Variants in NKAIN2 observed in about 807,000 individuals in gnomAD.
The protein encoded by NKAIN2 is sodium/potassium-transporting ATPase subunit beta-1-interacting protein 2.
In NKAIN2, 14 loss-of-function variants were observed where a neutral mutation model predicts 32.6. The observed-to-expected ratio is 0.43, with a 90% confidence interval of 0.28 to 0.67. The LOEUF (loss-of-function observed/expected upper bound fraction) is 0.67. Ranked by LOEUF, NKAIN2 falls within the 30% of genes least tolerant of loss-of-function variation. NKAIN2 has a pLI of 0.17. For synonymous variants in NKAIN2, 80 were observed against 87.2 expected, an observed-to-expected ratio of 0.92 and a Z score of 0.46; for missense variants, 198 against 258.3, an observed-to-expected ratio of 0.77 and a Z score of 1.60.
At chr6:124,596,694 GTGTGTGTA>G (rs1782105551) in intron 3 of NKAIN2, among the ~76,000 whole-genome samples, 3 of 150,658 alleles carry the variant, frequency 2.0e-5, no homozygotes, top group Admixed American at 6.6e-5. Context: ...GTGTGTGTGT[GTGTGTGTA>G]AGTGTGTGTA....
intron 3 of NKAIN2, among the ~76,000 whole-genome samples, chr6:124,398,250 CTCAAAAAAA>C (rs1773476443): frequency 3.1e-5 from 1 of 32,654 alleles, no homozygotes; most frequent in African/African-American, 1.8e-4. Flanking sequence ...GAGACTGCAT[CTCAAAAAAA>C]AAAAAAAAAA....
intron 1 of NKAIN2, among the ~76,000 whole-genome samples, chr6:123,914,122 G>C (rs1359756049): frequency 6.6e-6 from 1 of 152,112 alleles, no homozygotes; most frequent in African/African-American, 2.4e-5. Context: ...AGATGAGAGT[G>C]TTACATGGTT....
chr6:124,476,339 G>C (rs1298525709), intron 3 of NKAIN2, among the ~76,000 whole-genome samples: 3 of 146,560 alleles, frequency 2.0e-5, no homozygotes, highest in Non-Finnish European at 4.5e-5. Context: ...TACCTCTTAA[G>C]GAGGTTTTAA....
At chr6:124,477,875 T>C (rs1777294247) in intron 3 of NKAIN2, among the ~76,000 whole-genome samples, 1 of 149,248 alleles carries the variant, frequency 6.7e-6, no homozygotes, top group South Asian at 2.2e-4. Context: ...TCTCAATGTT[T>C]GGGAAAGAAT....
chr6:124,008,413 C>T (rs1378648616), intron 1 of NKAIN2, among the ~76,000 whole-genome samples: 2 of 152,086 alleles, frequency 1.3e-5, no homozygotes, highest in African/African-American at 4.8e-5. Flanking sequence ...ATATTATGTA[C>T]AACTCATTAG....
chr6:124,298,761 C>A (rs891357528), intron 2 of NKAIN2, among the ~76,000 whole-genome samples: 4 of 113,916 alleles, frequency 3.5e-5, no homozygotes, highest in African/African-American at 1.5e-4. Context: ...AGAGAAGACC[C>A]CCCGTGTCTA....
At chr6:124,587,298 C>CCTG (rs1781745983) in intron 3 of NKAIN2, among the ~76,000 whole-genome samples, 1 of 151,752 alleles carries the variant, frequency 6.6e-6, no homozygotes, top group Non-Finnish European at 1.5e-5. Flanking sequence ...GGTGCTATCT[C>CCTG]GGCTCAATGC....
intron 2 of NKAIN2, among the ~76,000 whole-genome samples, chr6:124,346,943 A>C (rs905016158): frequency 2.0e-5 from 3 of 152,066 alleles, no homozygotes; most frequent in African/African-American, 7.2e-5. Flanking sequence ...TGGTCTTTAC[A>C]TTTTGGCATG....
chr6:124,670,671 G>GTGTA (rs916354697), intron 4 of NKAIN2, among the ~76,000 whole-genome samples: 1 of 151,734 alleles, frequency 6.6e-6, no homozygotes, highest in African/African-American at 2.4e-5. Flanking sequence ...GTGTGTGTGT[G>GTGTA]TGTGTGTGTT....
chr6:123,941,810 A>T (rs1776840203), intron 1 of NKAIN2, among the ~76,000 whole-genome samples: 1 of 151,900 alleles, frequency 6.6e-6, no homozygotes, highest in Non-Finnish European at 1.5e-5. Flanking sequence ...CTATGGCGTC[A>T]ATTCTTCCCT....
chr6:124,436,693 A>G (rs1176692211), intron 3 of NKAIN2, among the ~76,000 whole-genome samples: 2 of 152,026 alleles, frequency 1.3e-5, no homozygotes, highest in Non-Finnish European at 2.9e-5. Context: ...TCTCACCTCC[A>G]CTGCTGCCAA....
Position 123,905,891 on chromosome 6 carries a change from T to C in NKAIN2, c.54+101637T>C, listed in dbSNP as rs553858115. 6.6e-5 allele frequency among the ~76,000 whole-genome samples: 10 copies of C among 152,276 alleles called. No homozygotes were observed. The South Asian group carries it at 1.4e-3, about 22-fold the overall frequency. On this transcript the variant is annotated intron_variant, in intron 1 of 6. Coordinates refer to ENST00000368417, the MANE Select transcript of NKAIN2 (RefSeq NM_001040214.3). The stretch of plus-strand genomic sequence containing the variant: ...TATTAATCTTTGACTCTATATAAAA[T>C]ATGTATTTTGACATAATAGTGTTAG...
intron 1 of NKAIN2, among the ~76,000 whole-genome samples, chr6:123,901,904 T>C (rs574296303): frequency 1.3e-5 from 2 of 152,212 alleles, no homozygotes; most frequent in Admixed American, 6.5e-5. Flanking sequence ...ATGAAGACTT[T>C]AAAATGAAGA....
intron 3 of NKAIN2, among the ~76,000 whole-genome samples, chr6:124,595,145 T>C (rs544062845): frequency 4.8e-4 from 73 of 152,338 alleles, no homozygotes; most frequent in Non-Finnish European, 9.4e-4. Context: ...TTAGAAATCA[T>C]GAATTCCTGG....
rs556238674 is a variant in NKAIN2, at chr6:123,854,970, A to G, written c.54+50716A>G. Reference sequence around the variant, plus strand: ...TCACTGAAATGAAATGATTCTCTTCACTGTCTTTGGAGCAGCATTCATACC... The same window carrying G: ...TCACTGAAATGAAATGATTCTCTTCGCTGTCTTTGGAGCAGCATTCATACC... On this transcript the variant is annotated intron_variant, in intron 1 of 6. Coordinates refer to ENST00000368417, the MANE Select transcript of NKAIN2 (RefSeq NM_001040214.3). Among the ~76,000 whole-genome samples, 23 of 152,238 alleles carry G rather than the reference A, an allele frequency of 1.5e-4. No homozygotes were observed. In the South Asian group the frequency reaches 4.4e-3, roughly 29 times the overall value.
At chr6:124,392,160 T>C (rs894475354) in intron 3 of NKAIN2, among the ~76,000 whole-genome samples, 5 of 152,200 alleles carry the variant, frequency 3.3e-5, no homozygotes, top group African/African-American at 4.8e-5. Flanking sequence ...GAAAATTTGT[T>C]GGATATCTTT....
intron 3 of NKAIN2, among the ~76,000 whole-genome samples, chr6:124,440,975 G>A (rs973332767): frequency 3.3e-5 from 5 of 152,036 alleles, no homozygotes; most frequent in Non-Finnish European, 7.4e-5. Flanking sequence ...GACACACAGT[G>A]CCATATACTA....
rs945218810 is a variant in NKAIN2, at chr6:124,610,019, G to A, written c.274-48167G>A. Among the ~76,000 whole-genome samples, 80 of 152,152 alleles carry A rather than the reference G, an allele frequency of 5.3e-4. 1 individual carries two copies. Among genetic ancestry groups the A allele is most frequent in the Non-Finnish European group, 1.6e-4 (11 of 68,028 alleles). ...AACTATATAGTAAACACAGTGTAGTGTTAATTATTTTATTATCACTCACGA... is the reference window on the plus strand; with the variant it reads ...AACTATATAGTAAACACAGTGTAGTATTAATTATTTTATTATCACTCACGA... On this transcript the variant is annotated intron_variant, in intron 3 of 6. Transcript: ENST00000368417.
chr6:124,375,221 C>G (rs1404099325), intron 3 of NKAIN2, among the ~76,000 whole-genome samples: 1 of 151,864 alleles, frequency 6.6e-6, no homozygotes, highest in Non-Finnish European at 1.5e-5. Flanking sequence ...CTCCAGATCC[C>G]ACTCCTATTA....
Sources: gnomAD v4.1 joint callset for allele counts (sites outside exome capture counted in the v4.1 genomes callset) on GRCh38, gnomAD v4.1.1 for gene constraint, MANE v1.5 for transcripts, NCBI Gene and HGNC (gene_info 2026-07-23, HGNC 2026-07-21) for gene names.